The following CPLX2 variants were observed in gnomAD, a reference collection of about 807,000 sequenced individuals.
The protein encoded by CPLX2 is complexin-2.
In CPLX2, 5 loss-of-function variants were observed where a neutral mutation model predicts 16.3. That is an observed-to-expected ratio of 0.31 (90% CI 0.16 to 0.64). CPLX2 has a LOEUF of 0.64. Ranked by LOEUF, CPLX2 falls within the 30% of genes least tolerant of loss-of-function variation. The pLI, the probability that CPLX2 is intolerant of heterozygous loss-of-function variation, is 0.79. For synonymous variants in CPLX2, 89 were observed against 73.2 expected (o/e 1.22, Z -1.10); for missense variants, 144 against 181.4 (o/e 0.79, Z 1.18).
Position 175,809,948 on chromosome 5 carries a change from C to T in CPLX2, c.-89+880C>T, listed in dbSNP as rs561233398. ...GAGATCGCTCGATCGCTATAGATATCGTTGCTCATCCAGATGGGAGCTATT... is the reference window on the plus strand; with the variant it reads ...GAGATCGCTCGATCGCTATAGATATTGTTGCTCATCCAGATGGGAGCTATT... On this transcript the variant is annotated intron_variant, in intron 2 of 4. Coordinates refer to the CPLX2 transcript ENST00000359546. The surrounding 1 kb of genome is among the most constrained non-coding windows in gnomAD (Gnocchi z 4.4). Among the ~76,000 whole-genome samples the T allele has an allele frequency of 6.6e-6, 1 of 152,286 alleles. No individual in the cohort carries two copies. Among genetic ancestry groups the T allele is most frequent in the East Asian group, 1.9e-4 (1 of 5,180 alleles).
intron 1 of CPLX2, 71 bp downstream of exon 1, chr5:175,871,776 G>T (rs1737005343): frequency 6.6e-6 from 1 of 152,440 alleles, no homozygotes; most frequent in African/African-American, 2.4e-5. Flanking sequence ...CTCGCCTCGA[G>T]GCCTTGGGGC....
chr5:175,828,433 G>T (rs139300099), intron 2 of CPLX2, among the ~76,000 whole-genome samples: 18 of 152,326 alleles, frequency 1.2e-4, no homozygotes, highest in African/African-American at 4.3e-4. Flanking sequence ...ATTGGGAATA[G>T]ATTTTTTAGC....
intron 1 of CPLX2, 58 bp from the exon 2 acceptor site, chr5:175,878,594 T>TCCCC: frequency 1.1e-6 from 1 of 881,536 alleles, no homozygotes; most frequent in Non-Finnish European, 1.8e-6. Flanking sequence ...TCTGCCTAGC[T>TCCCC]CCCCCGCCCT....
intron 2 of CPLX2, among the ~76,000 whole-genome samples, chr5:175,862,521 G>T (rs115470055): frequency 0.01 from 1,593 of 152,268 alleles, 26 homozygotes; most frequent in African/African-American, 0.036. Flanking sequence ...GCATATCCAA[G>T]AACTGTAAAT....
intron 2 of CPLX2, among the ~76,000 whole-genome samples, chr5:175,840,112 A>G (rs983009796): frequency 3.9e-5 from 6 of 152,234 alleles, no homozygotes; most frequent in African/African-American, 7.2e-5. Context: ...TTTTTTCTAC[A>G]GAACATATCC....
chr5:175,813,695 C>T (rs904752722), intron 2 of CPLX2, among the ~76,000 whole-genome samples: 1 of 152,238 alleles, frequency 6.6e-6, no homozygotes, highest in Non-Finnish European at 1.5e-5. Context: ...AAAGTGGGCA[C>T]AGACCATCGG....
chr5:175,872,348 G>A lies in CPLX2; in HGVS notation c.-89+643G>A, dbSNP rs1759647557. On this transcript the variant is annotated intron_variant, in intron 1 of 3. Coordinates refer to ENST00000393745, the MANE Select transcript of CPLX2 (RefSeq NM_001008220.2). This position sits in a 1 kb window ranked among gnomAD's most constrained non-coding sequence, Gnocchi z 5.0. ...TTGGACAGCGCACGCCCGCCGCCTG[G>A]AGTCTTCGGGAACGACCCCTTCTGT... The A allele has an allele frequency of 6.5e-6, 1 of 152,740 alleles. No individual in the cohort carries two copies. Among genetic ancestry groups the A allele is most frequent in the Admixed American group, 6.5e-5 (1 of 15,294 alleles). 9.5% of individuals were successfully genotyped at this position (152,740 alleles called of 1,614,324 possible).
chr5:175,812,414 C>T (rs72823118), intron 2 of CPLX2, among the ~76,000 whole-genome samples: 11,039 of 152,244 alleles, frequency 0.073, 510 homozygotes, highest in South Asian at 0.11. Flanking sequence ...AAATATGTTG[C>T]GTTCCTATCA....
intron 2 of CPLX2, among the ~76,000 whole-genome samples, chr5:175,836,083 G>A (rs914123095): frequency 6.6e-6 from 1 of 152,070 alleles, no homozygotes; most frequent in African/African-American, 2.4e-5. Flanking sequence ...AGGCGCGGTG[G>A]CTCACGCCTG....
intron 1 of CPLX2, among the ~76,000 whole-genome samples, chr5:175,801,930 C>A (rs1299062484): frequency 6.6e-6 from 1 of 152,080 alleles, no homozygotes; most frequent in Non-Finnish European, 1.5e-5. Flanking sequence ...AAGATAAAAT[C>A]CAAAGGCCCA....
chr5:175,836,204 G>C (rs994767215), intron 2 of CPLX2, among the ~76,000 whole-genome samples: 1 of 152,196 alleles, frequency 6.6e-6, no homozygotes, highest in East Asian at 2.0e-4. Flanking sequence ...CAAAAAATTA[G>C]CTGGGCGTGG....
At chr5:175,850,338 G>GC (rs1165540458) in intron 2 of CPLX2, among the ~76,000 whole-genome samples, 2 of 152,170 alleles carry the variant, frequency 1.3e-5, no homozygotes, top group Non-Finnish European at 2.9e-5. Flanking sequence ...TATGGAAAAC[G>GC]CAAGTCTGGC....
At chr5:175,818,186 G>A (rs1257799326) in intron 2 of CPLX2, among the ~76,000 whole-genome samples, 2 of 152,122 alleles carry the variant, frequency 1.3e-5, no homozygotes, top group African/African-American at 4.8e-5. Context: ...GGGGTAGCTG[G>A]CCCACTAGGG....
At chr5:175,828,561 G>A (rs1436236735) in intron 2 of CPLX2, among the ~76,000 whole-genome samples, 1 of 152,160 alleles carries the variant, frequency 6.6e-6, no homozygotes, top group African/African-American at 2.4e-5. Context: ...TAGGTGGAAA[G>A]TTAGACCAAA....
intron 2 of CPLX2, among the ~76,000 whole-genome samples, chr5:175,852,912 G>A (rs1478532161): frequency 6.6e-6 from 1 of 152,178 alleles, no homozygotes; most frequent in Admixed American, 6.5e-5. Context: ...CATATACTGA[G>A]GAATCTTTCA....
rs999034215 is a variant in CPLX2, at chr5:175,872,653, C to A, written c.-89+948C>A. On this transcript the variant is annotated intron_variant, in intron 1 of 3. Transcript: ENST00000393745. The surrounding 1 kb of genome is among the most constrained non-coding windows in gnomAD (Gnocchi z 5.0). ...CTACCTCCTCCCATCCTCCGCTGCC[C>A]CTCCCCTCCCCCATGCGTCTCCCAT... is the stretch of plus-strand genomic sequence containing the variant. 1.3e-5 allele frequency among the ~76,000 whole-genome samples: 2 copies of A among 152,134 alleles called. No homozygotes were observed. The highest frequency in any genetic ancestry group is 4.8e-5 in the African/African-American group (2 of 41,418).
chr5:175,817,023 G>T (rs1456387567), intron 2 of CPLX2, among the ~76,000 whole-genome samples: 1 of 152,236 alleles, frequency 6.6e-6, no homozygotes, highest in Non-Finnish European at 1.5e-5. Flanking sequence ...CTGTTGGAAG[G>T]GCTCAGACGC....
upstream of CPLX2, chr5:175,871,440 A>AGAGAGAGAGAGAGAGAGAGG (rs1561790361): frequency 2.0e-3 from 88 of 43,558 alleles, 9 homozygotes; most frequent in Non-Finnish European, 5.0e-3. Flanking sequence ...AGACAGAGAG[A>AGAGAGAGAGAGAGAGAGAGG]GAGAGAGAGA....
rs1015914191 is a variant in CPLX2, at chr5:175,839,388, C to T, written c.-89+30320C>T. On this transcript the variant is annotated intron_variant, in intron 2 of 4. Coordinates refer to the CPLX2 transcript ENST00000359546. The stretch of plus-strand genomic sequence containing the variant: ...GCAACCTCCGTCTCCCAGGTTCAAG[C>T]GATTCTCCTGCCTCAGCCTCCCAAG... Among the ~76,000 whole-genome samples the T allele has an allele frequency of 4.6e-5, 7 of 152,136 alleles. No homozygotes were observed. In the East Asian group the frequency reaches 7.7e-4, roughly 17 times the overall value.
Sources: gnomAD v4.1 joint callset for allele counts (sites outside exome capture counted in the v4.1 genomes callset) on GRCh38, gnomAD v4.1.1 for gene constraint, Gnocchi (gnomAD v3.1) non-coding constraint, MANE v1.5 for transcripts, NCBI Gene and HGNC (gene_info 2026-07-23, HGNC 2026-07-21) for gene names.